Variants in SHISAL2A observed in about 807,000 individuals in gnomAD.
The protein encoded by SHISAL2A is protein shisa-like-2A.
SHISAL2A carries 18 observed loss-of-function variants against 11.5 expected under a neutral mutation model. The ratio of observed to expected loss-of-function variants is 1.57; its 90% CI spans 1.08 to 2.33. SHISAL2A has a LOEUF of 2.33. SHISAL2A is among the 30% of genes most tolerant of loss of function. SHISAL2A has a pLI of 0.00. For missense variants in SHISAL2A, 261 were observed against 250.9 expected (o/e 1.04, Z -0.27); for synonymous variants, 94 against 99.6 (o/e 0.94, Z 0.34).
rs1691180087 is a variant in SHISAL2A, at chr1:52,633,660, A to C, written c.167A>C (p.Tyr56Ser). Reference sequence around the variant, plus strand: ...AGCTTCTTCCCCTACGAGCACAGCTACATGTGGTGGCTCAGGTACCGTCCC... The same window carrying C: ...AGCTTCTTCCCCTACGAGCACAGCTCCATGTGGTGGCTCAGGTACCGTCCC... ...PHSFFPYEHS[Y>S]MWWLSIGALI... The change falls in exon 1 of 3, where the codon TAC becomes TCC. Residue 56 changes from tyrosine to serine, a missense_variant. Physicochemically the swap from Tyr to Ser is moderately radical, Grantham distance 144. Transcript: ENST00000517870. This position sits in a 1 kb window ranked among gnomAD's most constrained non-coding sequence, Gnocchi z 6.4. 6.2e-7 allele frequency: 1 copy of C among 1,612,160 alleles called. No homozygotes were observed. The highest frequency in any genetic ancestry group is 2.2e-5 in the East Asian group (1 of 44,614).
chr1:52,645,557 A>G (rs144298667), intron 2 of SHISAL2A, among the ~76,000 whole-genome samples: 112 of 148,892 alleles, frequency 7.5e-4, no homozygotes, highest in African/African-American at 2.5e-3. Flanking sequence ...ACAGGTGCGT[A>G]GCACCACACC....
chr1:52,659,211 C>T (rs907787306), downstream of SHISAL2A, among the ~76,000 whole-genome samples: 4 of 152,026 alleles, frequency 2.6e-5, no homozygotes, highest in South Asian at 2.1e-4. Flanking sequence ...ACTACAGGTG[C>T]GTGCCACTGT....
At chr1:52,634,408 T>C (rs1691197431) in intron 1 of SHISAL2A, among the ~76,000 whole-genome samples, 1 of 152,094 alleles carries the variant, frequency 6.6e-6, no homozygotes. Flanking sequence ...ATGTACCCCA[T>C]CCTCAAGCTA....
At chr1:52,665,653 C>T (rs1197225639) in intron 4 of SHISAL2A, among the ~76,000 whole-genome samples, 1 of 152,188 alleles carries the variant, frequency 6.6e-6, no homozygotes, top group African/African-American at 2.4e-5. Flanking sequence ...TAAGTATGGG[C>T]CCTATTGGGG....
rs1001909222 is a variant in SHISAL2A at position 52,633,192 on chromosome 1, C to G, written c.-302C>G. On this transcript the variant is annotated 5_prime_UTR_variant, in exon 1 of 3. Coordinates refer to ENST00000517870, the MANE Select transcript of SHISAL2A (RefSeq NM_001042693.3). This position sits in a 1 kb window ranked among gnomAD's most constrained non-coding sequence, Gnocchi z 6.4. ...CAGAGCCAGGCGAGCACGCGGCTCC[C>G]GGCCCAGCTCCCCGCGTCCGCTCCG... Among the ~76,000 whole-genome samples the G allele has an allele frequency of 6.6e-6, 1 of 152,060 alleles. No individual in the cohort carries two copies. The highest frequency in any genetic ancestry group is 2.4e-5 in the African/African-American group (1 of 41,434).
intron 4 of SHISAL2A, among the ~76,000 whole-genome samples, chr1:52,664,731 C>T (rs1315094767): frequency 2.0e-5 from 3 of 152,048 alleles, no homozygotes; most frequent in South Asian, 2.1e-4. Context: ...CTCCTGACCT[C>T]GTGATCCGCC....
At chr1:52,654,723 C>T (rs541442511) in intron 2 of SHISAL2A, among the ~76,000 whole-genome samples, 16 of 152,066 alleles carry the variant, frequency 1.1e-4, no homozygotes, top group South Asian at 2.1e-4. Context: ...TCATGACATG[C>T]GGTTATGCAA....
At chr1:52,654,223 T>TGA (rs1691737577) in intron 2 of SHISAL2A, among the ~76,000 whole-genome samples, 7 of 69,116 alleles carry the variant, frequency 1.0e-4, no homozygotes, top group South Asian at 5.9e-4. Context: ...AATGGCAGTT[T>TGA]TATAGATAGA....
intron 1 of SHISAL2A, among the ~76,000 whole-genome samples, chr1:52,641,962 G>A (rs755360540): frequency 1.6e-4 from 25 of 152,002 alleles, no homozygotes; most frequent in East Asian, 3.9e-4. Context: ...AACATAGCTG[G>A]GCGTGGTGGC....
chr1:52,634,026 G>A (rs1395638969), intron 1 of SHISAL2A, among the ~76,000 whole-genome samples: 1 of 151,662 alleles, frequency 6.6e-6, no homozygotes, highest in East Asian at 1.9e-4. Context: ...AACATTCACA[G>A]GCAGCCCAAC....
At chr1:52,641,573 C>T (rs1222844316) in intron 1 of SHISAL2A, among the ~76,000 whole-genome samples, 2 of 152,144 alleles carry the variant, frequency 1.3e-5, no homozygotes, top group Non-Finnish European at 2.9e-5. Flanking sequence ...GGTGAGGGAC[C>T]AGCAGTGGAG....
chr1:52,663,269 T>TGAGG (rs1691943109), intron 4 of SHISAL2A, among the ~76,000 whole-genome samples: 2 of 152,092 alleles, frequency 1.3e-5, no homozygotes, highest in South Asian at 4.1e-4. Context: ...CCCAGAGGCG[T>TGAGG]GAGGGATTTG....
intron 2 of SHISAL2A, among the ~76,000 whole-genome samples, chr1:52,644,700 G>A (rs1473022407): frequency 6.6e-6 from 1 of 150,982 alleles, no homozygotes; most frequent in Non-Finnish European, 1.5e-5. Context: ...CTCCAGCCTG[G>A]GAGACAGAGC....
intron 5 of SHISAL2A, chr1:52,668,423 T>C (rs1195664990): frequency 6.6e-6 from 1 of 151,232 alleles, no homozygotes; most frequent in Non-Finnish European, 1.5e-5. Context: ...GCTTAGAGAG[T>C]ATTCCTCTAG....
chr1:52,661,393 T>G (rs1691904414), downstream of SHISAL2A, among the ~76,000 whole-genome samples: 1 of 152,218 alleles, frequency 6.6e-6, no homozygotes, highest in Non-Finnish European at 1.5e-5. Flanking sequence ...AGAAATGACT[T>G]GGGCCCTAGA....
rs187695602 is a variant in SHISAL2A at position 52,643,809 on chromosome 1, C to T, written c.322+807C>T. Among the ~76,000 whole-genome samples the T allele has an allele frequency of 2.4e-3, 358 of 147,654 alleles. 4 individuals are homozygous for T. Among genetic ancestry groups the T allele is most frequent in the African/African-American group, 8.4e-3 (341 of 40,408 alleles). ...TGGAGGTTGCAGTGAGCCGAGATGG[C>T]GCCATTGCACTCCAGCCTGGGCGAC... On this transcript the variant is annotated intron_variant, in intron 2 of 2. Transcript: ENST00000517870.
chr1:52,660,274 G>T (rs576932950), downstream of SHISAL2A, among the ~76,000 whole-genome samples: 22 of 152,268 alleles, frequency 1.4e-4, no homozygotes, highest in African/African-American at 5.3e-4. Flanking sequence ...TGTACATGCT[G>T]CTTTTGCTGA....
chr1:52,647,618 G>A (rs1489521890), intron 2 of SHISAL2A, among the ~76,000 whole-genome samples: 3 of 152,038 alleles, frequency 2.0e-5, no homozygotes, highest in Non-Finnish European at 4.4e-5. Flanking sequence ...GGTGGAGGCG[G>A]GCAGATCACT....
intron 2 of SHISAL2A, among the ~76,000 whole-genome samples, chr1:52,653,354 G>A (rs1691715109): frequency 6.6e-6 from 1 of 151,278 alleles, no homozygotes; most frequent in Non-Finnish European, 1.5e-5. Flanking sequence ...CCAGCTACTG[G>A]GAGGCTGAGA....
Sources: allele counts gnomAD v4.1 joint callset (sites outside exome capture counted in the v4.1 genomes callset), GRCh38; gene constraint gnomAD v4.1.1; non-coding constraint Gnocchi (gnomAD v3.1); transcripts MANE v1.5; gene names NCBI Gene and HGNC (gene_info 2026-07-23, HGNC 2026-07-21).